Variants in PLCB1 observed in about 807,000 individuals in gnomAD.
PLCB1 encodes phospholipase C beta 1.
PLCB1 carries 46 observed loss-of-function variants against 161.8 expected under a neutral mutation model. That is an observed-to-expected ratio of 0.28 (90% CI 0.22 to 0.36). The LOEUF (loss-of-function observed/expected upper bound fraction) is 0.36. Among genes scored for constraint, PLCB1 ranks in the 10% least tolerant of loss-of-function variants. The probability of loss-of-function intolerance (pLI) is 1.00; values close to 1 mark genes in which losing one functional copy is unlikely to be tolerated. For synonymous variants in PLCB1, 517 were observed against 503.7 expected (o/e 1.03, Z -0.35); for missense variants, 1,016 against 1,472.5 (o/e 0.69, Z 5.07).
chr20:8,621,324 A>G (rs1045367766), intron 3 of PLCB1, among the ~76,000 whole-genome samples: 5 of 152,182 alleles, frequency 3.3e-5, no homozygotes, highest in African/African-American at 9.7e-5. Flanking sequence ...GCATATGTCA[A>G]AAAGACTGGG....
At chr20:8,355,920 C>T (rs1459696076) in intron 2 of PLCB1, among the ~76,000 whole-genome samples, 1 of 152,136 alleles carries the variant, frequency 6.6e-6, no homozygotes, top group African/African-American at 2.4e-5. Flanking sequence ...TCACTAGAGT[C>T]TCAGCATTAA....
intron 3 of PLCB1, among the ~76,000 whole-genome samples, chr20:8,374,950 T>C (rs1404161207): frequency 6.6e-6 from 1 of 152,172 alleles, no homozygotes; most frequent in Non-Finnish European, 1.5e-5. Flanking sequence ...AAATGAACTG[T>C]TTTTTGTGCC....
chr20:8,779,983 C>T (rs1226805281), intron 27 of PLCB1, among the ~76,000 whole-genome samples: 5 of 152,168 alleles, frequency 3.3e-5, no homozygotes, highest in South Asian at 4.1e-4. Context: ...ACCCCATTCA[C>T]GTGCTTGTGC....
At chr20:8,289,252 A>G (rs1983271664) in intron 2 of PLCB1, among the ~76,000 whole-genome samples, 1 of 152,220 alleles carries the variant, frequency 6.6e-6, no homozygotes, top group Non-Finnish European at 1.5e-5. Context: ...ACACTGCTTT[A>G]AACAAGCACT....
At chr20:8,529,158 G>C (rs945394320) in intron 3 of PLCB1, among the ~76,000 whole-genome samples, 1 of 151,930 alleles carries the variant, frequency 6.6e-6, no homozygotes, top group African/African-American at 2.4e-5. Context: ...GAATTATGCT[G>C]TTATGAAGAC....
At chr20:8,385,704 G>T (rs1987407218) in intron 3 of PLCB1, among the ~76,000 whole-genome samples, 1 of 152,362 alleles carries the variant, frequency 6.6e-6, no homozygotes, top group South Asian at 2.1e-4. Context: ...GAAAAAGCAT[G>T]GTTTCCCCGG....
chr20:8,814,916 A>T (rs1019964398), intron 31 of PLCB1, among the ~76,000 whole-genome samples: 1 of 152,048 alleles, frequency 6.6e-6, no homozygotes, highest in Admixed American at 6.6e-5. Flanking sequence ...CAGGCCAGAA[A>T]TCTAGTCTCC....
chr20:8,837,013 G>T (rs922718018), intron 31 of PLCB1, among the ~76,000 whole-genome samples: 4 of 152,174 alleles, frequency 2.6e-5, no homozygotes, highest in African/African-American at 9.6e-5. Context: ...AACTAGGAAG[G>T]AATGCGTTGC....
intron 2 of PLCB1, among the ~76,000 whole-genome samples, chr20:8,366,810 C>T (rs1252201140): frequency 6.6e-6 from 1 of 152,142 alleles, no homozygotes; most frequent in East Asian, 1.9e-4. Context: ...TTAGTACATG[C>T]CTCCTTTAAT....
intron 2 of PLCB1, among the ~76,000 whole-genome samples, chr20:8,288,030 G>T (rs879706221): frequency 2.0e-5 from 3 of 152,158 alleles, no homozygotes; most frequent in Non-Finnish European, 4.4e-5. Context: ...CTAAACCAAA[G>T]AACTTCTCTA....
chr20:8,584,748 TG>T (rs1986937532), intron 3 of PLCB1, among the ~76,000 whole-genome samples: 1 of 152,110 alleles, frequency 6.6e-6, no homozygotes, highest in South Asian at 2.1e-4. Flanking sequence ...TGGAGTGCAA[TG>T]GCACGATCTC....
At chr20:8,135,989 G>T (rs1318987607) in intron 1 of PLCB1, among the ~76,000 whole-genome samples, 1 of 152,124 alleles carries the variant, frequency 6.6e-6, no homozygotes, top group Admixed American at 6.5e-5. Flanking sequence ...GCAGGACATG[G>T]AGAGAAAGAG....
At position 8,741,506 on chromosome 20, in the gene PLCB1, T is replaced by C; in HGVS notation, c.2456T>C (p.Leu819Pro). The C allele has an allele frequency of 6.2e-7, 1 of 1,613,756 alleles. No individual in the cohort carries two copies. Among genetic ancestry groups the C allele is most frequent in the Non-Finnish European group, 8.5e-7 (1 of 1,179,696 alleles). Residue 819 changes from leucine (L) to proline (P), a missense_variant, in exon 23 of 32, where the codon CTG becomes CCG. Around this residue, in one of 10 missense-constraint regions of PLCB1, gnomAD observed 75 missense variants for 117.0 expected, o/e 0.64. Coordinates refer to ENST00000338037, the MANE Select transcript of PLCB1 (RefSeq NM_015192.4). ...ALSNPIRYVN[L>P]MEQRAKQLAA... ...TCAAACCCAATCCGATATGTGAACC[T>C]GATGGAACAGAGAGCTAAGCAATTG...
chr20:8,840,578 T>C (rs969470783), intron 31 of PLCB1, among the ~76,000 whole-genome samples: 1 of 152,300 alleles, frequency 6.6e-6, no homozygotes, highest in African/African-American at 2.4e-5. Context: ...GTGGATTCCC[T>C]CTTTTAAAGT....
At position 8,374,202 on chromosome 20, in the gene PLCB1, C is replaced by T. The variant is rs115983343; in HGVS notation, c.246+2752C>T. Among the ~76,000 whole-genome samples the T allele has an allele frequency of 5.2e-3, 787 of 152,140 alleles. 7 individuals carry two copies. The highest frequency in any genetic ancestry group is 0.018 in the African/African-American group (740 of 41,490). ...ATGGGGGCAGTTCCCATGCTGTTCT[C>T]GTGAAAGTGAGTGAGTTCTCACGAG... On this transcript the variant is annotated intron_variant, in intron 3 of 31. Transcript: ENST00000338037.
intron 2 of PLCB1, among the ~76,000 whole-genome samples, chr20:8,341,129 T>G (rs1277208829): frequency 6.6e-6 from 1 of 151,982 alleles, no homozygotes; most frequent in Non-Finnish European, 1.5e-5. Flanking sequence ...TCACAAAGCT[T>G]CTCTTCCCCA....
chr20:8,765,110 C>T (rs758876012), intron 25 of PLCB1, 29 bp from the exon 26 acceptor site: 2 of 1,568,656 alleles, frequency 1.3e-6, no homozygotes. Context: ...CCCTCCCATT[C>T]CCTTAGCTTT....
intron 31 of PLCB1, among the ~76,000 whole-genome samples, chr20:8,815,810 A>T (rs1209711272): frequency 1.3e-5 from 2 of 152,240 alleles, no homozygotes; most frequent in East Asian, 1.9e-4. Flanking sequence ...TAGGGGCTAG[A>T]TGTAGTGTTT....
intron 10 of PLCB1, 52 bp downstream of exon 10, chr20:8,685,130 C>T (rs1481014065): frequency 2.0e-6 from 3 of 1,518,820 alleles, no homozygotes; most frequent in East Asian, 2.3e-5. Flanking sequence ...CAAATTTCAC[C>T]AACCTCTACT....
Sources: gnomAD v4.1 joint callset for allele counts (sites outside exome capture counted in the v4.1 genomes callset) on GRCh38, gnomAD v4.1.1 for gene constraint, gnomAD v4.1.1 regional missense constraint, MANE v1.5 for transcripts, NCBI Gene and HGNC (gene_info 2026-07-23, HGNC 2026-07-21) for gene names.